Variants in NRXN1 observed in about 807,000 individuals in gnomAD.
NRXN1 encodes neurexin 1.
In NRXN1, 39 loss-of-function variants were observed where a neutral mutation model predicts 150.9. The observed-to-expected ratio is 0.26, with a 90% CI of 0.20 to 0.34. NRXN1 has a LOEUF of 0.34. Ranked by LOEUF, NRXN1 falls within the 10% of genes least tolerant of loss-of-function variation. The probability of loss-of-function intolerance (pLI) is 1.00; values close to 1 mark genes in which losing one functional copy is unlikely to be tolerated. For synonymous variants in NRXN1, 924 were observed against 757.0 expected (o/e 1.22, Z -3.62); for missense variants, 1,815 against 1,949.9 (o/e 0.93, Z 1.30).
At chr2:50,351,093 T>A (rs1244048403) in intron 17 of NRXN1, among the ~76,000 whole-genome samples, 3 of 152,238 alleles carry the variant, frequency 2.0e-5, no homozygotes, top group Non-Finnish European at 1.5e-5. Context: ...TGTGTACCCA[T>A]TAATTTGTGT....
intron 2 of NRXN1, among the ~76,000 whole-genome samples, chr2:50,975,517 G>T (rs35075711): frequency 0.058 from 8,847 of 152,064 alleles, 491 homozygotes; most frequent in East Asian, 0.19. Flanking sequence ...ACTATTCTCT[G>T]CTCTTTACTA....
chr2:51,015,148 A>T (rs758496836), intron 2 of NRXN1, among the ~76,000 whole-genome samples: 1 of 151,858 alleles, frequency 6.6e-6, no homozygotes, highest in African/African-American at 2.4e-5. Context: ...TCATTGTTTC[A>T]AATTCTGTTA....
chr2:50,519,350 G>C (rs932429362), intron 12 of NRXN1, among the ~76,000 whole-genome samples: 1 of 151,796 alleles, frequency 6.6e-6, no homozygotes, highest in African/African-American at 2.4e-5. Flanking sequence ...TGAATTCTAT[G>C]ATTCTCTTTG....
intron 8 of NRXN1, among the ~76,000 whole-genome samples, chr2:50,565,849 T>C (rs1258638239): frequency 6.6e-6 from 1 of 152,174 alleles, no homozygotes; most frequent in African/African-American, 2.4e-5. Flanking sequence ...GGCCAGACCA[T>C]GTCCCAGCCC....
At chr2:50,297,182 C>A (rs1459686861) in intron 17 of NRXN1, among the ~76,000 whole-genome samples, 5 of 152,176 alleles carry the variant, frequency 3.3e-5, no homozygotes, top group African/African-American at 1.2e-4. Flanking sequence ...AGCCACCGCA[C>A]CCGGCTGGTT....
intron 19 of NRXN1, among the ~76,000 whole-genome samples, chr2:50,081,439 G>T (rs1697950478): frequency 6.6e-6 from 1 of 152,142 alleles, no homozygotes; most frequent in Admixed American, 6.5e-5. Context: ...AGCTGGGCAT[G>T]GTGTTGTGAG....
chr2:50,723,360 T>C (rs184027346), intron 5 of NRXN1, among the ~76,000 whole-genome samples: 9 of 152,320 alleles, frequency 5.9e-5, no homozygotes, highest in Admixed American at 5.2e-4. Context: ...AAGCTTTCCA[T>C]TTAATTATGG....
At chr2:50,140,669 C>CTT (rs34745463) in intron 18 of NRXN1, among the ~76,000 whole-genome samples, 1 of 145,878 alleles carries the variant, frequency 6.9e-6, no homozygotes, top group Non-Finnish European at 1.5e-5. Flanking sequence ...TTTTCTCTCT[C>CTT]TTTTTTTTTT....
intron 5 of NRXN1, among the ~76,000 whole-genome samples, chr2:50,770,961 G>T (rs1425278722): frequency 6.6e-6 from 1 of 152,092 alleles, no homozygotes; most frequent in Non-Finnish European, 1.5e-5. Flanking sequence ...TAGGTTTCAA[G>T]GAATGTATCT....
chr2:50,755,557 T>C (rs1041263140), intron 5 of NRXN1, among the ~76,000 whole-genome samples: 2 of 151,796 alleles, frequency 1.3e-5, no homozygotes, highest in African/African-American at 2.4e-5. Context: ...TATTACCTGC[T>C]GTAATTAAGT....
intron 5 of NRXN1, among the ~76,000 whole-genome samples, chr2:50,642,971 C>T (rs1362468041): frequency 6.6e-5 from 10 of 151,830 alleles, no homozygotes; most frequent in African/African-American, 2.4e-4. Flanking sequence ...GAGATATATT[C>T]CAATAAATTG....
At chr2:50,218,525 C>A (rs963213267) in intron 18 of NRXN1, among the ~76,000 whole-genome samples, 1 of 145,480 alleles carries the variant, frequency 6.9e-6, no homozygotes. Flanking sequence ...AGAATCTAAA[C>A]GTCTTTGGTA....
chr2:50,800,604 C>A (rs1020289268), intron 5 of NRXN1, among the ~76,000 whole-genome samples: 21 of 152,138 alleles, frequency 1.4e-4, no homozygotes, highest in Middle Eastern at 3.4e-3. Context: ...GAATGGAGCA[C>A]AATGGCGCGA....
chr2:50,979,322 A>G, intron 2 of NRXN1: 1 of 514,896 alleles, frequency 1.9e-6, no homozygotes, highest in Non-Finnish European at 3.9e-6. Context: ...TGTGACAGCA[A>G]TTCCATCCCT....
intron 17 of NRXN1, among the ~76,000 whole-genome samples, chr2:50,351,807 C>T (rs1252880299): frequency 3.9e-5 from 6 of 152,012 alleles, no homozygotes; most frequent in Admixed American, 1.3e-4. Context: ...TGGGTGCTGT[C>T]GTTGAAATAC....
intron 11 of NRXN1, among the ~76,000 whole-genome samples, chr2:50,529,968 T>C (rs1162056488): frequency 6.6e-6 from 1 of 152,224 alleles, no homozygotes; most frequent in Non-Finnish European, 1.5e-5. Context: ...TGAGTTATCG[T>C]TCTGCCCAGC....
At chr2:51,025,435 T>C (rs1232566369) in intron 2 of NRXN1, among the ~76,000 whole-genome samples, 1 of 152,212 alleles carries the variant, frequency 6.6e-6, no homozygotes, top group Non-Finnish European at 1.5e-5. Context: ...TGATTATGCA[T>C]GATCTCTGAA....
At chr2:50,170,573 AG>A (rs1450087604) in intron 18 of NRXN1, among the ~76,000 whole-genome samples, 2 of 152,086 alleles carry the variant, frequency 1.3e-5, no homozygotes, top group African/African-American at 4.8e-5. Context: ...CTGGGATTAC[AG>A]GAGTAAGACA....
rs2060577288 is a variant in NRXN1 at position 50,179,674 on chromosome 2, T to A, written c.3546+57115A>T. The stretch of plus-strand genomic sequence containing the variant: ...CAATCTATGACCCCAATAATAGCAG[T>A]CCCAAAATTATAAATAAATTAGATG... On this transcript the variant is annotated intron_variant, in intron 18 of 22. Transcript: ENST00000401669. Among the ~76,000 whole-genome samples the A allele has an allele frequency of 2.0e-5, 3 of 152,226 alleles. No homozygotes were observed. The South Asian group carries it at 6.2e-4, about 32-fold the overall frequency.
Sources: gnomAD v4.1 joint callset for allele counts (sites outside exome capture counted in the v4.1 genomes callset) on GRCh38, gnomAD v4.1.1 for gene constraint, MANE v1.5 for transcripts, NCBI Gene and HGNC (gene_info 2026-07-23, HGNC 2026-07-21) for gene names.